The following PPP1R9A variants were observed in gnomAD, a reference collection of about 807,000 sequenced individuals.
PPP1R9A encodes protein phosphatase 1 regulatory subunit 9A, also known as neurabin-1.
A neutral mutation model predicts 141.9 loss-of-function variants in PPP1R9A; 59 were observed. The observed-to-expected ratio is 0.42, with a 90% confidence interval of 0.34 to 0.52. PPP1R9A has a LOEUF of 0.52. PPP1R9A is among the 20% of genes least tolerant of loss of function. PPP1R9A has a pLI of 0.10. For synonymous variants in PPP1R9A, 500 were observed against 569.7 expected (o/e 0.88, Z 1.74); for missense variants, 1,444 against 1,611.9 (o/e 0.90, Z 1.78).
intron 7 of PPP1R9A, among the ~76,000 whole-genome samples, chr7:95,222,834 C>T (rs960218678): frequency 1.3e-5 from 2 of 152,020 alleles, no homozygotes; most frequent in Admixed American, 6.6e-5. Flanking sequence ...TTACAACATT[C>T]TGCTGACACA....
chr7:95,287,013 G>T, intron 18 of PPP1R9A: 1 of 1,316,272 alleles, frequency 7.6e-7, no homozygotes, highest in Non-Finnish European at 1.1e-6. Context: ...CAAGCTTGGT[G>T]CAATTTTAAT....
chr7:95,284,380 G>C (rs1208621124), intron 17 of PPP1R9A, 50 bp downstream of exon 17: 2 of 1,363,728 alleles, frequency 1.5e-6, no homozygotes, highest in Non-Finnish European at 1.9e-6. Context: ...GTGGGGAAAA[G>C]AAAGCCTCAT....
chr7:95,260,201 G>T (rs1180539292), intron 12 of PPP1R9A, among the ~76,000 whole-genome samples: 2 of 152,158 alleles, frequency 1.3e-5, no homozygotes, highest in Non-Finnish European at 1.5e-5. Context: ...CTAGTTTTGT[G>T]CAAGTTTTGA....
intron 7 of PPP1R9A, 21 bp from the exon 8 acceptor site, chr7:95,225,940 C>T: frequency 3.2e-6 from 5 of 1,584,726 alleles, no homozygotes; most frequent in Non-Finnish European, 4.3e-6. Flanking sequence ...AGCTGGATTT[C>T]TGAAATCCCC....
chr7:95,177,940 A>T (rs1242354463), intron 5 of PPP1R9A, among the ~76,000 whole-genome samples: 1 of 152,126 alleles, frequency 6.6e-6, no homozygotes, highest in Non-Finnish European at 1.5e-5. Context: ...ATAGTGGGGG[A>T]CTTCAGTACT....
At chr7:95,073,965 A>G (rs1814426346) in intron 2 of PPP1R9A, among the ~76,000 whole-genome samples, 1 of 152,130 alleles carries the variant, frequency 6.6e-6, no homozygotes, top group South Asian at 2.1e-4. Context: ...TCATTTTAAG[A>G]TATGTTGTAA....
intron 2 of PPP1R9A, among the ~76,000 whole-genome samples, chr7:95,068,133 G>T (rs192975169): frequency 6.6e-6 from 1 of 152,042 alleles, no homozygotes; most frequent in Non-Finnish European, 1.5e-5. Flanking sequence ...AAACCTCAGC[G>T]CCTATTAAGA....
chr7:94,953,590 A>G (rs112003137), intron 2 of PPP1R9A, among the ~76,000 whole-genome samples: 3,978 of 152,262 alleles, frequency 0.026, 169 homozygotes, highest in African/African-American at 0.091. Context: ...CCTGTCCACA[A>G]GCATGTAATG....
At chr7:95,245,816 C>T (rs1273535949) in intron 8 of PPP1R9A, among the ~76,000 whole-genome samples, 1 of 152,130 alleles carries the variant, frequency 6.6e-6, no homozygotes, top group Non-Finnish European at 1.5e-5. Context: ...ATAAAAATAA[C>T]ATTTCCACAT....
intron 2 of PPP1R9A, among the ~76,000 whole-genome samples, chr7:95,096,906 A>G (rs913714042): frequency 6.6e-6 from 1 of 152,128 alleles, no homozygotes; most frequent in Non-Finnish European, 1.5e-5. Flanking sequence ...GTCACTTGGG[A>G]AATCCTTTCT....
intron 2 of PPP1R9A, among the ~76,000 whole-genome samples, chr7:94,995,129 T>A (rs1802012076): frequency 1.7e-5 from 1 of 57,928 alleles, no homozygotes; most frequent in African/African-American, 5.5e-5. Flanking sequence ...TAAGTTGATA[T>A]TTTTTTTCAT....
intron 2 of PPP1R9A, among the ~76,000 whole-genome samples, chr7:94,919,081 A>G (rs1792443335): frequency 6.6e-6 from 1 of 152,148 alleles, no homozygotes; most frequent in Admixed American, 6.5e-5. Context: ...CTCTTAATGT[A>G]ATCTAAAATT....
intron 8 of PPP1R9A, among the ~76,000 whole-genome samples, chr7:95,245,794 A>G (rs1798041883): frequency 6.6e-6 from 1 of 152,172 alleles, no homozygotes; most frequent in South Asian, 2.1e-4. Context: ...AAAGAGCCAG[A>G]TTTTGTGTCT....
intron 7 of PPP1R9A, among the ~76,000 whole-genome samples, chr7:95,222,373 A>G (rs1050022934): frequency 6.6e-6 from 1 of 152,040 alleles, no homozygotes; most frequent in Non-Finnish European, 1.5e-5. Context: ...GACCTTAGGT[A>G]TGGTCTCTGA....
chr7:95,008,776 A>G (rs1348590964), intron 2 of PPP1R9A, among the ~76,000 whole-genome samples: 2 of 152,146 alleles, frequency 1.3e-5, no homozygotes, highest in Admixed American at 1.3e-4. Flanking sequence ...ACCCCATTGA[A>G]GAATGGGAGA....
At chr7:95,271,068 G>A (rs989823733) in intron 14 of PPP1R9A, among the ~76,000 whole-genome samples, 3 of 152,112 alleles carry the variant, frequency 2.0e-5, no homozygotes, top group African/African-American at 7.2e-5. Flanking sequence ...AGGGAATAGC[G>A]GGTAAAGTGA....
chr7:95,146,732 A>G (rs1827692394), intron 4 of PPP1R9A, among the ~76,000 whole-genome samples: 2 of 152,184 alleles, frequency 1.3e-5, no homozygotes, highest in Admixed American at 1.3e-4. Context: ...TAGTTTTCTC[A>G]ACACCATTTA....
chr7:95,167,951 G>A (rs1831525425), intron 5 of PPP1R9A, among the ~76,000 whole-genome samples: 1 of 152,104 alleles, frequency 6.6e-6, no homozygotes, highest in Non-Finnish European at 1.5e-5. Context: ...AATTAACGTT[G>A]TTAAAATGAC....
chr7:95,065,451 TAGTA>T (rs1286570613), intron 2 of PPP1R9A, among the ~76,000 whole-genome samples: 3 of 152,212 alleles, frequency 2.0e-5, no homozygotes, highest in Non-Finnish European at 1.5e-5. Flanking sequence ...ATATACATCT[TAGTA>T]AGTATGGTGA....
Sources: gnomAD v4.1 joint callset for allele counts (sites outside exome capture counted in the v4.1 genomes callset) on GRCh38, gnomAD v4.1.1 for gene constraint, MANE v1.5 for transcripts, NCBI Gene and HGNC (gene_info 2026-07-23, HGNC 2026-07-21) for gene names.